Variants in RAD51B observed in about 807,000 individuals in gnomAD.
RAD51B encodes the protein RAD51 paralog B, also known as DNA repair protein RAD51 homolog 2.
Under a neutral mutation model 42.2 loss-of-function variants are expected in RAD51B, and 38 were observed. The ratio of observed to expected loss-of-function variants is 0.90; its 90% CI spans 0.70 to 1.18. The LOEUF is 1.18. Among genes scored for constraint, RAD51B ranks in the 50% most tolerant of loss-of-function variants. RAD51B has a pLI of 0.00. For missense variants in RAD51B, 373 were observed against 400.7 expected, an observed-to-expected ratio of 0.93 and a Z score of 0.59; for synonymous variants, 154 against 145.2, an observed-to-expected ratio of 1.06 and a Z score of -0.43.
chr14:68,007,755 T>C (rs187062631), intron 7 of RAD51B, among the ~76,000 whole-genome samples: 13 of 152,114 alleles, frequency 8.5e-5, no homozygotes, highest in African/African-American at 2.9e-4. Flanking sequence ...GAGATACTTA[T>C]ATTATGTGTG....
In RAD51B at chr14:68,454,944, T is replaced by C. The variant is rs138335897; in HGVS notation, c.958-13228T>C. ...TAGATATCCAGGGCTTTGTAAGAGC[T>C]GAGAAAACCTGAAGATCTCACTTCC... On this transcript the variant is annotated intron_variant, in intron 9 of 10. Transcript: ENST00000471583. 1.2e-3 allele frequency among the ~76,000 whole-genome samples: 183 copies of C among 152,272 alleles called. 4 individuals are homozygous for C. Among genetic ancestry groups the C allele is most frequent in the Non-Finnish European group, 7.4e-5 (5 of 68,018 alleles).
At chr14:68,504,662 C>CTTTTTTTTT (rs57967320) in intron 10 of RAD51B, among the ~76,000 whole-genome samples, 4 of 90,434 alleles carry the variant, frequency 4.4e-5, no homozygotes, top group Non-Finnish European at 6.2e-5. Context: ...TTTTTTCTTT[C>CTTTTTTTTT]TTTTTTTTTT....
intron 7 of RAD51B, among the ~76,000 whole-genome samples, chr14:68,042,727 C>T (rs1210767229): frequency 6.6e-6 from 1 of 152,144 alleles, no homozygotes; most frequent in Non-Finnish European, 1.5e-5. Context: ...TCAGTGTATA[C>T]ACAATAGAGA....
rs765691311 is a variant in RAD51B, at chr14:67,825,511, G to T, written c.132G>T (p.Leu44=). The change falls in exon 3 of 11, where the codon CTG becomes CTT. Residue 44 remains leucine (L), a synonymous_variant. Transcript: ENST00000471583. ...SPLELMKVTG[L]SYRGVHELLC... is the part of the protein sequence containing the mutation. ...TGGAGCTTATGAAGGTGACTGGTCTGAGTTATCGAGGTGTCCATGAACTTC... is the reference window on the plus strand; with the variant it reads ...TGGAGCTTATGAAGGTGACTGGTCTTAGTTATCGAGGTGTCCATGAACTTC... 1 of 1,613,864 alleles carries T rather than the reference G, an allele frequency of 6.2e-7. No homozygotes were observed.
chr14:68,555,302 C>G (rs1888782096), intron 10 of RAD51B, among the ~76,000 whole-genome samples: 2 of 152,180 alleles, frequency 1.3e-5, no homozygotes, highest in Non-Finnish European at 2.9e-5. Context: ...GGAAAGATAA[C>G]ACATTAAGCC....
At position 68,565,663 on chromosome 14, in the gene RAD51B, T is replaced by A. The variant is rs1889385533; in HGVS notation, c.1037-28822T>A. On this transcript the variant is annotated intron_variant, in intron 10 of 10. Transcript: ENST00000487270. The surrounding 1 kb of genome is among the most constrained non-coding windows in gnomAD (Gnocchi z 4.1). Reference sequence around the variant, plus strand: ...CTAATCTCCTTTACCCCATCCTTGCTGCTGTCTCTGTCTCATGGTTGATTA... The same window carrying A: ...CTAATCTCCTTTACCCCATCCTTGCAGCTGTCTCTGTCTCATGGTTGATTA... 6.6e-6 allele frequency among the ~76,000 whole-genome samples: 1 copy of A among 152,240 alleles called. No individual in the cohort carries two copies. The highest frequency in any genetic ancestry group is 2.4e-5 in the African/African-American group (1 of 41,464).
chr14:68,090,695 A>ATTT (rs559158005), intron 7 of RAD51B, among the ~76,000 whole-genome samples: 1 of 149,114 alleles, frequency 6.7e-6, no homozygotes, highest in Non-Finnish European at 1.5e-5. Context: ...TTATTTATTT[A>ATTT]TTTATTATTA....
At chr14:67,896,545 T>G (rs978574382) in intron 7 of RAD51B, among the ~76,000 whole-genome samples, 1 of 152,234 alleles carries the variant, frequency 6.6e-6, no homozygotes, top group African/African-American at 2.4e-5. Flanking sequence ...TGATATTCTA[T>G]GTTATGATTT....
chr14:68,276,066 C>A (rs573238585), intron 7 of RAD51B, among the ~76,000 whole-genome samples: 31 of 152,190 alleles, frequency 2.0e-4, no homozygotes, highest in Admixed American at 3.9e-4. Flanking sequence ...CAAAGAGCTC[C>A]TTTTTTGAGA....
intron 10 of RAD51B, among the ~76,000 whole-genome samples, chr14:68,591,692 C>T (rs538037743): frequency 3.9e-5 from 6 of 152,216 alleles, no homozygotes; most frequent in East Asian, 3.9e-4. Flanking sequence ...GGGTTCCCCA[C>T]AACCAGCTGC....
At chr14:67,869,918 A>T (rs924946727) in intron 5 of RAD51B, among the ~76,000 whole-genome samples, 9 of 152,102 alleles carry the variant, frequency 5.9e-5, no homozygotes, top group Non-Finnish European at 1.0e-4. Context: ...TCTGCCCTAA[A>T]AGAGCTCCTG....
chr14:67,884,641 T>A (rs2043010220), intron 5 of RAD51B, among the ~76,000 whole-genome samples: 1 of 152,200 alleles, frequency 6.6e-6, no homozygotes, highest in Non-Finnish European at 1.5e-5. Context: ...ATTTCCTTCT[T>A]CCATTTCAAT....
intron 7 of RAD51B, among the ~76,000 whole-genome samples, chr14:68,270,289 A>G (rs2081080332): frequency 2.0e-5 from 3 of 152,238 alleles, no homozygotes; most frequent in Non-Finnish European, 2.9e-5. Context: ...AAGGCCATTC[A>G]TAGAGGAGGC....
At position 67,910,405 on chromosome 14, in the gene RAD51B, C is replaced by CAAAAAAAAAAA. The variant is rs576632132; in HGVS notation, c.756+23228_756+23238dup. The stretch of plus-strand genomic sequence containing the variant: ...TGGGCGACAGAGCGAGACTCTGTCT[C>CAAAAAAAAAAA]AAAAAAAAAAAAAAAAAAAAAAAAA... On this transcript the variant is annotated intron_variant, in intron 7 of 10. Coordinates refer to ENST00000471583, the MANE Select transcript of RAD51B (RefSeq NM_133510.4). Among the ~76,000 whole-genome samples, 5 of 9,040 alleles carry CAAAAAAAAAAA rather than the reference C, an allele frequency of 5.5e-4. 1 individual carries two copies. Among genetic ancestry groups the CAAAAAAAAAAA allele is most frequent in the African/African-American group, 4.7e-3 (4 of 850 alleles). The allele number at this position is 9,040 out of a possible 152,430, so 5.9% of individuals were successfully genotyped here.
intron 11 of RAD51B, among the ~76,000 whole-genome samples, chr14:68,666,648 C>T: frequency 6.6e-6 from 1 of 152,162 alleles, no homozygotes; most frequent in Non-Finnish European, 1.5e-5. Context: ...TGTTACACCC[C>T]TCTTGGTATG....
chr14:68,543,906 T>G (rs879874121), intron 10 of RAD51B, among the ~76,000 whole-genome samples: 2 of 152,136 alleles, frequency 1.3e-5, no homozygotes, highest in Non-Finnish European at 2.9e-5. Flanking sequence ...CCAGACAGCC[T>G]CTCAGGAAAT....
chr14:68,575,557 T>C (rs1183318634), intron 10 of RAD51B, among the ~76,000 whole-genome samples: 1 of 152,156 alleles, frequency 6.6e-6, no homozygotes, highest in Non-Finnish European at 1.5e-5. Flanking sequence ...TGCGGCATGG[T>C]AGATTGTGAA....
intron 7 of RAD51B, among the ~76,000 whole-genome samples, chr14:67,970,301 G>A (rs997885026): frequency 8.5e-5 from 13 of 152,124 alleles, no homozygotes; most frequent in African/African-American, 3.1e-4. Flanking sequence ...ACCCAGCATA[G>A]GTCATTTGGA....
chr14:68,540,895 G>C, intron 10 of RAD51B: 2 of 985,462 alleles, frequency 2.0e-6, no homozygotes, highest in Non-Finnish European at 2.4e-6. Context: ...GAGTTGAAGA[G>C]TAGGGCCAGA....
Sources: allele counts gnomAD v4.1 joint callset (sites outside exome capture counted in the v4.1 genomes callset), GRCh38; gene constraint gnomAD v4.1.1; non-coding constraint Gnocchi (gnomAD v3.1); transcripts MANE v1.5; gene names NCBI Gene and HGNC (gene_info 2026-07-23, HGNC 2026-07-21).